UNC80: variants seen among roughly 807,000 people sequenced by gnomAD.
UNC80 encodes protein unc-80 homolog.
A neutral mutation model predicts 384.6 loss-of-function variants in UNC80; 164 were observed. That is an observed-to-expected ratio of 0.43 (90% CI 0.38 to 0.49). UNC80 has a LOEUF of 0.49. Among genes scored for constraint, UNC80 ranks in the 20% least tolerant of loss-of-function variants. The pLI, the probability that UNC80 is intolerant of heterozygous loss-of-function variation, is 0.00. For missense variants in UNC80, 3,330 were observed against 4,143.0 expected, an observed-to-expected ratio of 0.80 and a Z score of 5.39; for synonymous variants, 1,486 against 1,527.8, an observed-to-expected ratio of 0.97 and a Z score of 0.64.
rs532329476 is a variant in UNC80 at position 209,813,720 on chromosome 2, G to T, written c.1079G>T (p.Arg360Leu). 6.2e-5 allele frequency: 96 copies of T among 1,551,690 alleles called. No homozygotes were observed. Among genetic ancestry groups the T allele is most frequent in the African/African-American group, 2.3e-4 (17 of 73,112 alleles). Residue 360 changes from arginine to leucine, a missense_variant, in exon 8 of 65, where the codon CGA (arginine) becomes CTA (leucine). Around this residue, in one of 8 missense-constraint regions of UNC80, gnomAD observed 937 missense variants for 1,026.8 expected, o/e 0.91. Coordinates refer to ENST00000673920, the MANE Select transcript of UNC80 (RefSeq NM_001371986.1). ...WSLMYYLQRLRHMLEEKPEKP... is the reference protein window; with the variant it reads ...WSLMYYLQRLLHMLEEKPEKP... ...CTGATGTACTATCTACAAAGGCTGC[G>T]ACACATGTTGGAAGAGAAGCCAGAA...
Position 209,998,992 on chromosome 2 carries a change from G to A in UNC80, c.*3397G>A, listed in dbSNP as rs1271123125. 2.0e-5 allele frequency: 3 copies of A among 152,182 alleles called. No homozygotes were observed. The highest frequency in any genetic ancestry group is 4.4e-5 in the Non-Finnish European group (3 of 68,032). 9.4% of individuals were successfully genotyped at this position (152,182 alleles called of 1,614,324 possible). A position where few individuals can be genotyped will look rare whatever the true frequency, so the allele number is the denominator to read the frequency against. On this transcript the variant is annotated 3_prime_UTR_variant, in exon 65 of 65. Transcript: ENST00000673920. The stretch of plus-strand genomic sequence containing the variant: ...TGGAAAAGCTTAAGACAAATTTACT[G>A]ATATTATTTTATGATCATTTAGGAT...
chr2:209,812,490 TACTC>T (rs970677209), intron 7 of UNC80, among the ~76,000 whole-genome samples: 4 of 152,180 alleles, frequency 2.6e-5, no homozygotes, highest in African/African-American at 9.7e-5. Flanking sequence ...GGAAAATCCC[TACTC>T]ACTCTCTGTG....
At chr2:209,893,814 G>A (rs1244269544) in intron 26 of UNC80, among the ~76,000 whole-genome samples, 2 of 152,196 alleles carry the variant, frequency 1.3e-5, no homozygotes, top group Admixed American at 6.5e-5. Flanking sequence ...CGAAAGGAAA[G>A]CAAAAACAAA....
At chr2:209,971,027 G>T in intron 54 of UNC80, 70 bp downstream of exon 54, 5 of 1,488,626 alleles carry the variant, frequency 3.4e-6, no homozygotes, top group Non-Finnish European at 4.5e-6. Flanking sequence ...TGGTGTTCTC[G>T]TTTTTTTCTG....
At chr2:209,970,055 T>G in intron 53 of UNC80, 164 bp downstream of exon 53, 2 of 902,348 alleles carry the variant, frequency 2.2e-6, no homozygotes, top group South Asian at 3.6e-5. Flanking sequence ...TTCAAGGTGG[T>G]GTGTGGGGAG....
intron 25 of UNC80, among the ~76,000 whole-genome samples, chr2:209,883,875 AATTTCCTTCTTTTTTAAGGCTAT>A: frequency 6.6e-6 from 1 of 152,184 alleles, no homozygotes; most frequent in East Asian, 1.9e-4. Flanking sequence ...CATATGTCAG[AATTTCCTTCTTTTTTAAGGCTAT>A]ATGGTTTTTT....
chr2:209,817,819 G>C lies in UNC80; in HGVS notation c.1560G>C (p.Leu520Phe). ...GGWQTTILGKLTRRGSSDAAT... is the reference protein window; with the variant it reads ...GGWQTTILGKFTRRGSSDAAT... ...TGCTCTTATTCATCCCAGGGAAATT[G>C]ACCCGGCGAGGCAGTTCAGATGCAG... The change falls in exon 11 of 65, where the codon TTG becomes TTC. Residue 520 changes from leucine to phenylalanine, a missense_variant. Leu to Phe is a conservative substitution (Grantham distance 22, BLOSUM62 0). This residue lies in a region of UNC80 where 937 missense variants were observed against 1,026.8 expected (regional missense o/e 0.91). Transcript: ENST00000673920. The C allele has an allele frequency of 6.4e-7, 1 of 1,551,520 alleles. No homozygotes were observed. Among genetic ancestry groups the C allele is most frequent in the Non-Finnish European group, 8.7e-7 (1 of 1,146,948 alleles).
chr2:209,777,822 G>T (rs1469488298), intron 4 of UNC80, among the ~76,000 whole-genome samples: 2 of 152,070 alleles, frequency 1.3e-5, no homozygotes, highest in African/African-American at 4.8e-5. Flanking sequence ...TAGAATAAAA[G>T]GTCAAGCATG....
intron 13 of UNC80, among the ~76,000 whole-genome samples, chr2:209,821,361 C>T (rs982865461): frequency 6.6e-6 from 1 of 152,174 alleles, no homozygotes; most frequent in African/African-American, 2.4e-5. Context: ...CTTCAAATAC[C>T]ATCGGATTGA....
intron 18 of UNC80, among the ~76,000 whole-genome samples, chr2:209,838,286 C>A (rs2081485100): frequency 7.0e-6 from 1 of 143,612 alleles, no homozygotes; most frequent in African/African-American, 2.5e-5. Context: ...CTCATGAACT[C>A]CCTTAATCAC....
At chr2:209,898,105 T>C (rs1364707590) in intron 28 of UNC80, among the ~76,000 whole-genome samples, 1 of 152,150 alleles carries the variant, frequency 6.6e-6, no homozygotes, top group Admixed American at 6.5e-5. Context: ...GATTGTCTTC[T>C]CTTCTTTTTT....
At position 209,918,632 on chromosome 2, in the gene UNC80, G is replaced by A. The variant is rs972289453; in HGVS notation, c.5312G>A (p.Ser1771Asn). 2 of 1,551,732 alleles carry A rather than the reference G, an allele frequency of 1.3e-6. No homozygotes were observed. Among genetic ancestry groups the A allele is most frequent in the Non-Finnish European group, 1.7e-6 (2 of 1,146,926 alleles). The stretch of plus-strand genomic sequence containing the variant: ...CCGTGGGTTCCTCAGTGCAGCGGGA[G>A]TGTCCAGGACCCCATTAATGAAGAC... ...DPPWVPQCSGSVQDPINEDQS... is the reference protein window; with the variant it reads ...DPPWVPQCSGNVQDPINEDQS... Residue 1771 changes from serine to asparagine, a missense_variant, in exon 33 of 65, where the codon AGT becomes AAT. By Grantham distance (46) the Ser-to-Asn change is conservative. Around this residue, in one of 8 missense-constraint regions of UNC80, gnomAD observed 1,049 missense variants for 1,488.6 expected, o/e 0.70. Transcript: ENST00000673920.
At chr2:209,967,673 A>G (rs1000749181) in intron 52 of UNC80, 36 bp downstream of exon 52, 1 of 1,539,990 alleles carries the variant, frequency 6.5e-7, no homozygotes. Context: ...TGCTATCACA[A>G]ATGTCAAAGT....
intron 42 of UNC80, 134 bp downstream of exon 42, chr2:209,937,764 A>G: frequency 1.5e-6 from 1 of 650,886 alleles, no homozygotes; most frequent in African/African-American, 1.8e-5. Context: ...GCCCTCACTC[A>G]ACAAATTATT....
chr2:209,849,636 A>G lies in UNC80; in HGVS notation c.3627+13A>G. ...TGCCTTGGATCTAGTAAGTTGGTGA[A>G]AGAATTTTCCCACCCTGCCCCCCAT... On this transcript the variant is annotated intron_variant, in intron 22 of 64. Transcript: ENST00000673920. 1 of 1,549,828 alleles carries G rather than the reference A, an allele frequency of 6.5e-7. No individual in the cohort carries two copies. Among genetic ancestry groups the G allele is most frequent in the Admixed American group, 2.0e-5 (1 of 50,910 alleles).
At chr2:209,793,070 T>C (rs1990452) in intron 6 of UNC80, among the ~76,000 whole-genome samples, 1 of 151,992 alleles carries the variant, frequency 6.6e-6, no homozygotes, top group African/African-American at 2.4e-5. Context: ...CCAGATAGAT[T>C]GTTGAGGGTC....
Position 209,945,837 on chromosome 2 carries a change from G to A in UNC80, c.7190-10G>A, listed in dbSNP as rs377479853. On this transcript the variant is annotated splice_polypyrimidine_tract_variant and intron_variant, in intron 46 of 64. Coordinates refer to ENST00000673920, the MANE Select transcript of UNC80 (RefSeq NM_001371986.1). The stretch of plus-strand genomic sequence containing the variant: ...CTCTGATAGTTTGCCTTTACTTTTT[G>A]TTCCTTCAGATTTCTGCTATGGAAA... 5.1e-5 allele frequency: 79 copies of A among 1,547,724 alleles called. No homozygotes were observed. Among genetic ancestry groups the A allele is most frequent in the African/African-American group, 8.2e-5 (6 of 72,772 alleles).
chr2:209,866,129 TA>T (rs1339536132), intron 22 of UNC80, among the ~76,000 whole-genome samples: 7 of 152,224 alleles, frequency 4.6e-5, no homozygotes, highest in African/African-American at 1.7e-4. Context: ...ATATTTATTC[TA>T]AAAATTCTCA....
At chr2:209,918,953 A>G (rs1033594267) in intron 33 of UNC80, among the ~76,000 whole-genome samples, 1 of 152,202 alleles carries the variant, frequency 6.6e-6, no homozygotes, top group Non-Finnish European at 1.5e-5. Flanking sequence ...GCCTCTATTT[A>G]TTACAAACGA....
Sources: gnomAD v4.1 joint callset for allele counts (sites outside exome capture counted in the v4.1 genomes callset) on GRCh38, gnomAD v4.1.1 for gene constraint, gnomAD v4.1.1 regional missense constraint, MANE v1.5 for transcripts, NCBI Gene and HGNC (gene_info 2026-07-23, HGNC 2026-07-21) for gene names.